LINGO2: variants seen among roughly 807,000 people sequenced by gnomAD.
LINGO2 encodes the protein leucine-rich repeat and immunoglobulin-like domain-containing nogo receptor-interacting protein 2.
Under a neutral mutation model 30.6 loss-of-function variants are expected in LINGO2, and 14 were observed. The ratio of observed to expected loss-of-function variants is 0.46; its 90% CI spans 0.30 to 0.72. LINGO2 has a LOEUF of 0.72. Among genes scored for constraint, LINGO2 ranks in the 30% least tolerant of loss-of-function variants. LINGO2 has a pLI of 0.07. For missense variants in LINGO2, 729 were observed against 751.7 expected, an observed-to-expected ratio of 0.97 and a Z score of 0.35; for synonymous variants, 317 against 288.5, an observed-to-expected ratio of 1.10 and a Z score of -1.00.
intron 4 of LINGO2, among the ~76,000 whole-genome samples, chr9:28,211,070 T>A (rs747850182): frequency 6.6e-6 from 1 of 151,586 alleles, no homozygotes; most frequent in Non-Finnish European, 1.5e-5. Flanking sequence ...CTTAATTCTG[T>A]TCTAAATCAA....
chr9:28,636,286 G>A (rs990861308), intron 1 of LINGO2, among the ~76,000 whole-genome samples: 2 of 152,114 alleles, frequency 1.3e-5, no homozygotes, highest in Admixed American at 6.6e-5. Context: ...ATAAACATAC[G>A]TGTGCATATG....
chr9:28,826,483 G>T, the LINGO2 span, among the ~76,000 whole-genome samples: 32 of 152,210 alleles, frequency 2.1e-4, no homozygotes, highest in Admixed American at 3.9e-4. Flanking sequence ...ACTCAGGGAA[G>T]AGATATGCAA....
intron 3 of LINGO2, among the ~76,000 whole-genome samples, chr9:28,316,142 A>G (rs1824837006): frequency 6.6e-6 from 1 of 152,084 alleles, no homozygotes; most frequent in African/African-American, 2.4e-5. Flanking sequence ...CTTGTCATAT[A>G]TTAATAATAA....
intron 4 of LINGO2, among the ~76,000 whole-genome samples, chr9:28,023,045 A>T (rs115941658): frequency 0.011 from 1,659 of 152,054 alleles, 21 homozygotes; most frequent in African/African-American, 0.038. Context: ...ATCTCTGATT[A>T]TATTAATCAT....
the LINGO2 span, among the ~76,000 whole-genome samples, chr9:28,808,384 A>G: frequency 1.3e-5 from 2 of 152,204 alleles, no homozygotes; most frequent in Non-Finnish European, 2.9e-5. Flanking sequence ...TTTGTTTTCA[A>G]TGACATTGAT....
chr9:28,722,458 A>G, the LINGO2 span, among the ~76,000 whole-genome samples: 1 of 152,098 alleles, frequency 6.6e-6, no homozygotes, highest in Non-Finnish European at 1.5e-5. Flanking sequence ...TCTCATAACC[A>G]TACCCAATGT....
chr9:28,015,010 G>T lies in LINGO2; in HGVS notation c.-86-2605C>A, dbSNP rs111548821. 5.8e-4 allele frequency among the ~76,000 whole-genome samples: 89 copies of T among 152,212 alleles called. 1 individual carries two copies. Among genetic ancestry groups the T allele is most frequent in the African/African-American group, 2.0e-3 (84 of 41,558 alleles). On this transcript the variant is annotated intron_variant, in intron 4 of 5. Transcript: ENST00000379992. ...GGTGATAAAAAACAAAATAGTTCCT[G>T]AAGTGAATAATTTTTAGTGGGTAGA...
chr9:28,709,334 T>C, the LINGO2 span, among the ~76,000 whole-genome samples: 1 of 152,124 alleles, frequency 6.6e-6, no homozygotes, highest in Non-Finnish European at 1.5e-5. Flanking sequence ...TGACTTCTTT[T>C]ATGCAAAGTT....
At chr9:28,925,730 G>T in the LINGO2 span, among the ~76,000 whole-genome samples, 2 of 152,084 alleles carry the variant, frequency 1.3e-5, no homozygotes, top group East Asian at 3.9e-4. Context: ...TGGTGGTTTT[G>T]GTAACTTTTG....
chr9:28,606,910 A>C (rs1040988762), intron 1 of LINGO2, among the ~76,000 whole-genome samples: 3 of 152,116 alleles, frequency 2.0e-5, no homozygotes, highest in African/African-American at 7.2e-5. Flanking sequence ...CTTACAAAAA[A>C]CAAAATATTA....
the LINGO2 span, among the ~76,000 whole-genome samples, chr9:28,679,020 C>T: frequency 5.9e-5 from 9 of 151,938 alleles, no homozygotes; most frequent in Admixed American, 5.3e-4. Flanking sequence ...ATGTGGCAGT[C>T]GGCTTTGGAA....
intron 4 of LINGO2, among the ~76,000 whole-genome samples, chr9:28,144,070 A>G (rs1346803564): frequency 6.6e-6 from 1 of 152,204 alleles, no homozygotes; most frequent in Non-Finnish European, 1.5e-5. Flanking sequence ...GTAGGCAGAC[A>G]GATTGAGATA....
the LINGO2 span, among the ~76,000 whole-genome samples, chr9:29,078,926 T>A: frequency 6.6e-6 from 1 of 151,918 alleles, no homozygotes; most frequent in Non-Finnish European, 1.5e-5. Context: ...GGAAGCTGCA[T>A]AAGTGCTTTA....
At chr9:28,212,245 C>T (rs546458830) in intron 4 of LINGO2, among the ~76,000 whole-genome samples, 11 of 151,342 alleles carry the variant, frequency 7.3e-5, no homozygotes, top group Non-Finnish European at 1.6e-4. Context: ...CTCACTATTT[C>T]TCTGTGTTGA....
the LINGO2 span, among the ~76,000 whole-genome samples, chr9:28,848,841 C>T: frequency 1.3e-5 from 2 of 151,768 alleles, no homozygotes; most frequent in African/African-American, 2.4e-5. Flanking sequence ...CCTCTCCTTC[C>T]CTCCTTCTAT....
chr9:28,752,908 T>C, the LINGO2 span, among the ~76,000 whole-genome samples: 1 of 152,004 alleles, frequency 6.6e-6, no homozygotes, highest in Non-Finnish European at 1.5e-5. Flanking sequence ...TTTTATAATA[T>C]ATAATATGGA....
intron 4 of LINGO2, among the ~76,000 whole-genome samples, chr9:28,252,024 A>C (rs1822219394): frequency 6.6e-6 from 1 of 152,156 alleles, no homozygotes; most frequent in African/African-American, 2.4e-5. Flanking sequence ...CTTGAGCCTC[A>C]GTTTCTCTAT....
chr9:28,215,388 G>T (rs1820729443), intron 4 of LINGO2, among the ~76,000 whole-genome samples: 5 of 151,714 alleles, frequency 3.3e-5, no homozygotes, highest in Admixed American at 3.3e-4. Context: ...GAAGTTTAAA[G>T]AATCAATGAT....
At position 28,244,526 on chromosome 9, in the gene LINGO2, T is replaced by C. The variant is rs967113107; in HGVS notation, c.-87+50682A>G. Among the ~76,000 whole-genome samples, 5 of 151,908 alleles carry C rather than the reference T, an allele frequency of 3.3e-5. 1 individual carries two copies. The highest frequency in any genetic ancestry group is 1.2e-4 in the African/African-American group (5 of 41,368). ...ATTAGTGAATCCAGGAGCTGGTTTA[T>C]TGAAAAAAATTAATAAAATAGACTG... On this transcript the variant is annotated intron_variant, in intron 4 of 5. Transcript: ENST00000379992.
Sources: gnomAD v4.1 joint callset for allele counts (sites outside exome capture counted in the v4.1 genomes callset) on GRCh38, gnomAD v4.1.1 for gene constraint, MANE v1.5 for transcripts, NCBI Gene and HGNC (gene_info 2026-07-23, HGNC 2026-07-21) for gene names.